The following PAK2 variants were observed in gnomAD, a reference collection of about 807,000 sequenced individuals.
PAK2 encodes the protein serine/threonine-protein kinase PAK 2.
A neutral mutation model predicts 65.9 loss-of-function variants in PAK2; 21 were observed. That is an observed-to-expected ratio of 0.32 (90% CI 0.23 to 0.46). The LOEUF (loss-of-function observed/expected upper bound fraction) is 0.46. PAK2 is among the 20% of genes least tolerant of loss of function. The probability of loss-of-function intolerance (pLI) is 1.00; values close to 1 mark genes in which losing one functional copy is unlikely to be tolerated. For synonymous variants in PAK2, 204 were observed against 219.7 expected (o/e 0.93, Z 0.63); for missense variants, 324 against 642.6 (o/e 0.50, Z 5.36).
chr3:196,805,310 T>C (rs1014397206), intron 4 of PAK2, 42 bp from the exon 5 acceptor site: 8 of 1,077,224 alleles, frequency 7.4e-6, no homozygotes, highest in Non-Finnish European at 1.1e-5. Flanking sequence ...ATAAAAGTGC[T>C]GTTTCTTGAA....
rs774221369 is a variant in PAK2, at chr3:196,791,173, G to C, written c.187+8340G>C. Among the ~76,000 whole-genome samples the C allele has an allele frequency of 9.9e-5, 15 of 152,124 alleles. No homozygotes were observed. The highest frequency in any genetic ancestry group is 2.2e-4 in the Non-Finnish European group (15 of 68,024). Reference sequence around the variant, plus strand: ...TAAGAGTATTAAAGACATTCTGTTGGTATAGCAATATCTTTCCAGCACATT... The same window carrying C: ...TAAGAGTATTAAAGACATTCTGTTGCTATAGCAATATCTTTCCAGCACATT... On this transcript the variant is annotated intron_variant, in intron 2 of 14. Transcript: ENST00000327134. The surrounding 1 kb of genome is among the most constrained non-coding windows in gnomAD (Gnocchi z 4.0).
chr3:196,800,274 C>T (rs967745937), intron 2 of PAK2, among the ~76,000 whole-genome samples: 1 of 152,068 alleles, frequency 6.6e-6, no homozygotes, highest in African/African-American at 2.4e-5. Context: ...CCCAGCTCCT[C>T]AGGAGGCTGA....
intron 7 of PAK2, among the ~76,000 whole-genome samples, chr3:196,809,530 G>C (rs12495449): frequency 0.44 from 65,698 of 149,774 alleles, 15,960 homozygotes; most frequent in East Asian, 0.66. Context: ...TTTTAGTAGA[G>C]ATGGGGTTTC....
At chr3:196,806,718 T>G (rs1256359937) in intron 6 of PAK2, 32 bp downstream of exon 6, 1 of 1,202,488 alleles carries the variant, frequency 8.3e-7, no homozygotes, top group African/African-American at 1.5e-5. Context: ...AGGCTGTGTG[T>G]GTGCACGTGT....
rs995019217 is a variant in PAK2 at position 196,791,399 on chromosome 3, C to T, written c.187+8566C>T. Among the ~76,000 whole-genome samples the T allele has an allele frequency of 2.6e-5, 4 of 152,014 alleles. No homozygotes were observed. The highest frequency in any genetic ancestry group is 9.7e-5 in the African/African-American group (4 of 41,398). On this transcript the variant is annotated intron_variant, in intron 2 of 14. Transcript: ENST00000327134. This position sits in a 1 kb window ranked among gnomAD's most constrained non-coding sequence, Gnocchi z 4.0. ...GGCTCTATCTCAAGTTCTGCTTAAT[C>T]GTTTTTGTGTTTTTCCTTTAACTTT...
intron 2 of PAK2, among the ~76,000 whole-genome samples, chr3:196,793,123 C>T (rs978181634): frequency 2.6e-5 from 4 of 152,108 alleles, no homozygotes; most frequent in Admixed American, 6.6e-5. Context: ...GTCAAAGGCC[C>T]CCCAGGACTC....
intron 1 of PAK2, among the ~76,000 whole-genome samples, chr3:196,773,175 CTT>C (rs1714415408): frequency 6.6e-6 from 1 of 152,136 alleles, no homozygotes. Context: ...TTTGGGCACA[CTT>C]TTTGTTTCGC....
chr3:196,789,793 G>A (rs183200101), intron 2 of PAK2, among the ~76,000 whole-genome samples: 2,599 of 152,210 alleles, frequency 0.017, 29 homozygotes, highest in Middle Eastern at 0.034. Flanking sequence ...GGGGCTGACG[G>A]GGGGGTGGTT....
intron 1 of PAK2, among the ~76,000 whole-genome samples, chr3:196,779,321 TC>T (rs1714633725): frequency 6.6e-6 from 1 of 152,212 alleles, no homozygotes; most frequent in African/African-American, 2.4e-5. Context: ...CTTTCCTGTG[TC>T]CCTTTGGCAT....
intron 11 of PAK2, among the ~76,000 whole-genome samples, chr3:196,815,183 A>G (rs1328416024): frequency 2.0e-5 from 3 of 151,154 alleles, no homozygotes; most frequent in Non-Finnish European, 2.9e-5. Context: ...CCGTCTCAAA[A>G]AAAAAGAAAA....
chr3:196,787,099 C>G (rs536629129), intron 2 of PAK2, among the ~76,000 whole-genome samples: 170 of 152,200 alleles, frequency 1.1e-3, no homozygotes, highest in African/African-American at 3.7e-3. Context: ...GCTGGGATTA[C>G]AGGCGCGAGC....
intron 13 of PAK2, among the ~76,000 whole-genome samples, chr3:196,823,934 A>G (rs537430388): frequency 1.3e-5 from 2 of 152,244 alleles, no homozygotes; most frequent in East Asian, 1.9e-4. Context: ...AGCTGCTCAG[A>G]AGACACTATG....
chr3:196,811,584 T>C (rs1443568461), intron 8 of PAK2, among the ~76,000 whole-genome samples: 2 of 151,150 alleles, frequency 1.3e-5, no homozygotes, highest in Admixed American at 1.3e-4. Flanking sequence ...ATTGCAGCAC[T>C]GGTTTTATGA....
At position 196,803,269 on chromosome 3, in the gene PAK2, A is replaced by C. The variant is rs139723099; in HGVS notation, c.436+105A>C. 193 of 935,410 alleles carry C rather than the reference A, an allele frequency of 2.1e-4. 2 individuals carry two copies. In the East Asian group the frequency reaches 5.0e-3, roughly 24 times the overall value. 57.9% of individuals were successfully genotyped at this position (935,410 alleles called of 1,614,324 possible). A position where few individuals can be genotyped will look rare whatever the true frequency, so the allele number is the denominator to read the frequency against. On this transcript the variant is annotated intron_variant, in intron 4 of 14. Transcript: ENST00000327134. ...AAAAGCTAAACTATGGTTCTTGTTG[A>C]TAACGGTTTTTCCCTGGATAGATTC... is the stretch of plus-strand genomic sequence containing the variant.
At chr3:196,757,789 C>T (rs191720660) in intron 1 of PAK2, among the ~76,000 whole-genome samples, 5 of 152,126 alleles carry the variant, frequency 3.3e-5, no homozygotes, top group Non-Finnish European at 5.9e-5. Context: ...AGATGATCTG[C>T]GATAAATACC....
At chr3:196,789,961 C>T (rs969229371) in intron 2 of PAK2, among the ~76,000 whole-genome samples, 14 of 152,288 alleles carry the variant, frequency 9.2e-5, no homozygotes, top group South Asian at 4.1e-4. Context: ...GGCGCTCAGG[C>T]GGTGGTGCTC....
At chr3:196,821,842 A>G (rs1275238171) in intron 13 of PAK2, among the ~76,000 whole-genome samples, 1 of 152,232 alleles carries the variant, frequency 6.6e-6, no homozygotes, top group East Asian at 1.9e-4. Flanking sequence ...TCTGCTGGGT[A>G]CAGAGCCAAG....
At chr3:196,790,406 C>T (rs59724721) in intron 2 of PAK2, among the ~76,000 whole-genome samples, 14,926 of 152,086 alleles carry the variant, frequency 0.098, 1,212 homozygotes, top group East Asian at 0.44. Context: ...TTTTTTTCTC[C>T]TAGGACACTA....
At chr3:196,813,293 T>G (rs1715885555) in intron 10 of PAK2, among the ~76,000 whole-genome samples, 1 of 151,878 alleles carries the variant, frequency 6.6e-6, no homozygotes, top group Non-Finnish European at 1.5e-5. Flanking sequence ...AAAAGCAGAA[T>G]AGAAAATGAT....
Sources: allele counts gnomAD v4.1 joint callset (sites outside exome capture counted in the v4.1 genomes callset), GRCh38; gene constraint gnomAD v4.1.1; non-coding constraint Gnocchi (gnomAD v3.1); transcripts MANE v1.5; gene names NCBI Gene and HGNC (gene_info 2026-07-23, HGNC 2026-07-21).